Variants in CLIC5 observed in about 807,000 individuals in gnomAD.
The protein encoded by CLIC5 is chloride intracellular channel protein 5.
In CLIC5, 20 loss-of-function variants were observed where a neutral mutation model predicts 24.7. The observed-to-expected ratio is 0.81, with a 90% confidence interval of 0.57 to 1.18. CLIC5 has a LOEUF of 1.18. Ranked by LOEUF, CLIC5 falls within the 50% of genes most tolerant of loss-of-function variation. The pLI, the probability that CLIC5 is intolerant of heterozygous loss-of-function variation, is 0.00. For synonymous variants in CLIC5, 159 were observed against 135.6 expected (o/e 1.17, Z -1.20); for missense variants, 341 against 326.1 (o/e 1.05, Z -0.35).
the CLIC5 span, among the ~76,000 whole-genome samples, chr6:46,088,271 A>T: frequency 7.2e-5 from 11 of 152,060 alleles, no homozygotes; most frequent in African/African-American, 1.2e-4. Flanking sequence ...GGAAAGATAA[A>T]GAAAGTACTT....
chr6:46,015,710 G>C lies in CLIC5; in HGVS notation c.-168C>G, dbSNP rs1375474019. 20 of 1,273,564 alleles carry C rather than the reference G, an allele frequency of 1.6e-5. No individual in the cohort carries two copies. Among genetic ancestry groups the C allele is most frequent in the Non-Finnish European group, 2.0e-5 (20 of 1,007,892 alleles). 78.9% of individuals were successfully genotyped at this position (1,273,564 alleles called of 1,614,324 possible). A position where few individuals can be genotyped will look rare whatever the true frequency, so the allele number is the denominator to read the frequency against. ...CCAGCCCGAGCAGCGGGGTCTGAGA[G>C]ATCAGTGTCCCAGATGCTCACATGA... On this transcript the variant is annotated 5_prime_UTR_variant, in exon 1 of 6. In the 5' UTR this introduces an upstream ATG that the reference lacks. Coordinates refer to ENST00000339561, the MANE Select transcript of CLIC5 (RefSeq NM_016929.5).
At chr6:46,006,846 T>G (rs3777621) in intron 1 of CLIC5, among the ~76,000 whole-genome samples, 52,510 of 151,548 alleles carry the variant, frequency 0.35, 9,346 homozygotes, top group Middle Eastern at 0.46. Context: ...CGGCTAATTT[T>G]TTTGTATTTT....
At chr6:46,071,526 T>C (rs571613638) in intron 1 of CLIC5, among the ~76,000 whole-genome samples, 3 of 152,144 alleles carry the variant, frequency 2.0e-5, no homozygotes, top group East Asian at 3.9e-4. Context: ...ATCAAAATCA[T>C]AATGAAATAC....
chr6:46,052,914 C>A (rs924579274), intron 1 of CLIC5, among the ~76,000 whole-genome samples: 1 of 151,992 alleles, frequency 6.6e-6, no homozygotes, highest in Admixed American at 6.6e-5. Context: ...GACTTGGCCT[C>A]CCCTGCCACT....
In CLIC5 at chr6:45,957,384, C is replaced by T. The variant is rs145122090; in HGVS notation, c.64-2140G>A. On this transcript the variant is annotated intron_variant, in intron 1 of 5. Transcript: ENST00000339561. The stretch of plus-strand genomic sequence containing the variant: ...TTTTACAAATGTGGAAATGGAGGCA[C>T]AGAGAGATAAAATAACTGGCCTAAG... 1.6e-4 allele frequency among the ~76,000 whole-genome samples: 24 copies of T among 152,194 alleles called. No individual in the cohort carries two copies. In the East Asian group the frequency reaches 4.2e-3, roughly 27 times the overall value.
rs188191679 is a variant in CLIC5, at chr6:45,989,710, C to A, written c.63+25770G>T. 2.8e-3 allele frequency among the ~76,000 whole-genome samples: 422 copies of A among 152,304 alleles called. 2 individuals are homozygous for A. Among genetic ancestry groups the A allele is most frequent in the Non-Finnish European group, 5.1e-3 (346 of 68,024 alleles). On this transcript the variant is annotated intron_variant, in intron 1 of 5. Coordinates refer to ENST00000339561, the MANE Select transcript of CLIC5 (RefSeq NM_016929.5). The stretch of plus-strand genomic sequence containing the variant: ...CAGAAGTTAGCTGGGGCAAGGTAGG[C>A]ATCCCATTAAAGATACCAAAATTCC...
intron 1 of CLIC5, among the ~76,000 whole-genome samples, chr6:46,059,644 A>G (rs1296306109): frequency 6.6e-6 from 1 of 152,228 alleles, no homozygotes; most frequent in Non-Finnish European, 1.5e-5. Context: ...TGAAGTGGGC[A>G]TTAATGTCCC....
At chr6:46,029,062 A>G (rs538180681) in intron 1 of CLIC5, among the ~76,000 whole-genome samples, 1 of 152,144 alleles carries the variant, frequency 6.6e-6, no homozygotes, top group Admixed American at 6.5e-5. Flanking sequence ...TTGAAATCCT[A>G]CAGAATGAAC....
chr6:46,006,545 T>G (rs1383680149), intron 1 of CLIC5, among the ~76,000 whole-genome samples: 2 of 152,136 alleles, frequency 1.3e-5, no homozygotes, highest in African/African-American at 4.8e-5. Context: ...GGGCTTGTCT[T>G]GCTTCTGAGC....
At chr6:45,909,310 ATCTTT>A (rs1762749689) in intron 5 of CLIC5, among the ~76,000 whole-genome samples, 4 of 151,826 alleles carry the variant, frequency 2.6e-5, no homozygotes, top group African/African-American at 9.7e-5. Flanking sequence ...TGAGGTTTTG[ATCTTT>A]TCGTGAAGCT....
chr6:46,114,172 C>G, the CLIC5 span, among the ~76,000 whole-genome samples: 2 of 152,106 alleles, frequency 1.3e-5, no homozygotes, highest in Non-Finnish European at 2.9e-5. Context: ...TATGTGGAAC[C>G]CTTTCTTGAA....
intron 1 of CLIC5, among the ~76,000 whole-genome samples, chr6:46,043,577 T>C (rs1411049527): frequency 6.6e-6 from 1 of 152,180 alleles, no homozygotes; most frequent in African/African-American, 2.4e-5. Context: ...CTTTTTATAT[T>C]GAGGTGGAGA....
the CLIC5 span, among the ~76,000 whole-genome samples, chr6:46,090,127 G>C: frequency 6.6e-6 from 1 of 152,166 alleles, no homozygotes; most frequent in East Asian, 1.9e-4. Context: ...TAGGTCTGTA[G>C]AGTTAGAAAA....
chr6:46,075,570 G>A (rs141914540), intron 1 of CLIC5, among the ~76,000 whole-genome samples: 252 of 152,252 alleles, frequency 1.7e-3, no homozygotes, highest in African/African-American at 4.6e-3. Context: ...GGGCAACAGA[G>A]TGAGACCCTG....
At chr6:45,882,590 A>G (rs960994777) in intron 6 of CLIC5, among the ~76,000 whole-genome samples, 1 of 152,222 alleles carries the variant, frequency 6.6e-6, no homozygotes, top group Non-Finnish European at 1.5e-5. Flanking sequence ...TTTTGCTTTG[A>G]GTACATTTCT....
At chr6:45,954,443 C>A (rs965845960) in intron 2 of CLIC5, among the ~76,000 whole-genome samples, 5 of 152,034 alleles carry the variant, frequency 3.3e-5, no homozygotes, top group Non-Finnish European at 7.4e-5. Flanking sequence ...GGGTGTAGAA[C>A]AATTCACATA....
intron 1 of CLIC5, among the ~76,000 whole-genome samples, chr6:46,034,915 A>T (rs1244436066): frequency 6.6e-6 from 1 of 152,182 alleles, no homozygotes; most frequent in African/African-American, 2.4e-5. Context: ...TAATAGCTGT[A>T]TGGCCTTGGG....
intron 1 of CLIC5, among the ~76,000 whole-genome samples, chr6:46,040,391 G>T (rs796675274): frequency 2.6e-5 from 4 of 152,144 alleles, no homozygotes; most frequent in African/African-American, 9.7e-5. Flanking sequence ...GGTGGATGAG[G>T]CTTGGTGGTG....
At chr6:45,995,620 A>T (rs1308122447) in intron 1 of CLIC5, among the ~76,000 whole-genome samples, 2 of 152,246 alleles carry the variant, frequency 1.3e-5, no homozygotes, top group East Asian at 3.8e-4. Flanking sequence ...GGTGCTAAAT[A>T]TCCTAATGAG....
Sources: allele counts gnomAD v4.1 joint callset (sites outside exome capture counted in the v4.1 genomes callset), GRCh38; gene constraint gnomAD v4.1.1; transcripts MANE v1.5; gene names NCBI Gene and HGNC (gene_info 2026-07-23, HGNC 2026-07-21).